The following UEVLD variants were observed in gnomAD, a reference collection of about 807,000 sequenced individuals.
The protein encoded by UEVLD is UEV and lactate/malate dehyrogenase domains.
UEVLD carries 47 observed loss-of-function variants against 58.6 expected under a neutral mutation model. The observed-to-expected ratio is 0.80, with a 90% CI of 0.63 to 1.02. The LOEUF is 1.02. Ranked by LOEUF, UEVLD falls within the 50% of genes least tolerant of loss-of-function variation. UEVLD has a pLI of 0.00. For synonymous variants in UEVLD, 197 were observed against 195.3 expected (o/e 1.01, Z -0.07); for missense variants, 510 against 550.6 (o/e 0.93, Z 0.74).
chr11:18,581,448 C>T (rs1433206068), intron 1 of UEVLD, among the ~76,000 whole-genome samples: 2 of 152,038 alleles, frequency 1.3e-5, no homozygotes, highest in African/African-American at 2.4e-5. Context: ...CATTGGGAGG[C>T]CAAGGCAGGC....
At chr11:18,551,043 G>A (rs1449543061) in intron 7 of UEVLD, among the ~76,000 whole-genome samples, 1 of 152,130 alleles carries the variant, frequency 6.6e-6, no homozygotes, top group Non-Finnish European at 1.5e-5. Context: ...CTTACAAGTT[G>A]ATGATTTAAC....
At position 18,564,941 on chromosome 11, in the gene UEVLD, A is replaced by G. The variant is rs571127680; in HGVS notation, c.563T>C (p.Val188Ala). 22 of 1,613,884 alleles carry G rather than the reference A, an allele frequency of 1.4e-5. No individual in the cohort carries two copies. Among genetic ancestry groups the G allele is most frequent in the Middle Eastern group, 3.3e-4 (2 of 6,060 alleles). ...ENKTVNKITVVGGGELGIACT... is the reference protein window; with the variant it reads ...ENKTVNKITVAGGGELGIACT... ...GGCAATACCGAGTTCTCCACCTCCA[A>G]CCACAGTAATTTTATTGACTGTTTT... Residue 188 changes from valine to alanine, a missense_variant, in exon 6 of 12, where the codon GTT becomes GCT. Transcript: ENST00000396197.
chr11:18,536,692 G>A (rs1217813979), intron 9 of UEVLD: 5 of 474,022 alleles, frequency 1.1e-5, no homozygotes, highest in South Asian at 9.0e-5. Context: ...CCCAAAGTCT[G>A]CTTGCAGTCT....
intron 7 of UEVLD, among the ~76,000 whole-genome samples, chr11:18,551,523 A>G (rs886955538): frequency 1.3e-5 from 2 of 152,124 alleles, no homozygotes; most frequent in African/African-American, 4.8e-5. Context: ...GTAATGTGTT[A>G]GGCCCTAAGA....
intron 10 of UEVLD, 101 bp from the exon 11 acceptor site, chr11:18,534,554 C>T: frequency 2.4e-6 from 3 of 1,259,816 alleles, no homozygotes; most frequent in Non-Finnish European, 3.2e-6. Flanking sequence ...ATGACAGAAA[C>T]AAGAGTTATG....
At chr11:18,558,054 A>G (rs1489996671) in intron 7 of UEVLD, among the ~76,000 whole-genome samples, 174 bp downstream of exon 7, 1 of 152,222 alleles carries the variant, frequency 6.6e-6, no homozygotes, top group Non-Finnish European at 1.5e-5. Flanking sequence ...ATCAGTTAAA[A>G]TCCCTGAATG....
intron 7 of UEVLD, among the ~76,000 whole-genome samples, chr11:18,550,591 C>A (rs1261291714): frequency 6.6e-6 from 1 of 152,184 alleles, no homozygotes; most frequent in Admixed American, 6.5e-5. Context: ...GAAGAACCAG[C>A]AACTATCTCA....
At chr11:18,552,126 A>G (rs1851554911) in intron 7 of UEVLD, among the ~76,000 whole-genome samples, 1 of 152,220 alleles carries the variant, frequency 6.6e-6, no homozygotes, top group Non-Finnish European at 1.5e-5. Context: ...ACGGTACTAA[A>G]AATTATTGAA....
At chr11:18,577,907 A>G (rs938449410) in intron 2 of UEVLD, among the ~76,000 whole-genome samples, 1 of 151,934 alleles carries the variant, frequency 6.6e-6, no homozygotes, top group Non-Finnish European at 1.5e-5. Flanking sequence ...TTAAGATAAT[A>G]AAGTAAAATA....
chr11:18,544,209 C>T (rs1276670446), intron 9 of UEVLD, among the ~76,000 whole-genome samples: 2 of 152,166 alleles, frequency 1.3e-5, no homozygotes, highest in African/African-American at 4.8e-5. Flanking sequence ...ACAGAAGGCA[C>T]ACTCAAATGT....
At chr11:18,582,297 ATTAG>A (rs531921358) in intron 1 of UEVLD, among the ~76,000 whole-genome samples, 7 of 151,846 alleles carry the variant, frequency 4.6e-5, no homozygotes, top group Non-Finnish European at 1.0e-4. Flanking sequence ...AAATGTTACT[ATTAG>A]TTAAATATTT....
At chr11:18,536,666 T>C (rs777974945) in intron 9 of UEVLD, 197 bp from the exon 10 acceptor site, 3 of 515,532 alleles carry the variant, frequency 5.8e-6, no homozygotes, top group Non-Finnish European at 7.0e-6. Flanking sequence ...AACTCTGAAC[T>C]ACAAAAAACA....
rs10500835 is a variant in UEVLD at position 18,578,775 on chromosome 11, T to G, written c.76A>C (p.Arg26=). ...KFRDLTVEEL[R]NVNVFFPHFK... Reference sequence around the variant, plus strand: ...TGTGGGAAAAATACATTTACATTCCTTAGTTCTTCCACAGTTAGGTCCCTG... The same window carrying G: ...TGTGGGAAAAATACATTTACATTCCGTAGTTCTTCCACAGTTAGGTCCCTG... The change falls in exon 2 of 12, where the codon AGG becomes CGG. Residue 26 remains arginine (R), a synonymous_variant. Coordinates refer to ENST00000396197, the MANE Select transcript of UEVLD (RefSeq NM_001040697.4). 0.13 allele frequency: 211,353 copies of G among 1,605,402 alleles called. 15,935 individuals are homozygous for G. Among genetic ancestry groups the G allele is most frequent in the East Asian group, 0.27 (12,089 of 44,716 alleles).
chr11:18,547,148 CT>C, intron 7 of UEVLD, 98 bp from the exon 8 acceptor site: 1 of 1,250,884 alleles, frequency 8.0e-7, no homozygotes, highest in Non-Finnish European at 1.1e-6. Flanking sequence ...AATAAGAGAG[CT>C]TTTAGGCACG....
intron 9 of UEVLD, among the ~76,000 whole-genome samples, chr11:18,542,593 TA>T (rs1394312892): frequency 2.0e-5 from 3 of 152,174 alleles, no homozygotes; most frequent in Non-Finnish European, 2.9e-5. Context: ...TGTTATATTT[TA>T]TTAAAATGCT....
rs963957083 is a variant in UEVLD, at chr11:18,585,630, TTTATTA to T, written c.42+2977_42+2982del. ...AAATCTATCATCTATTCTTTCCTTC[TTTATTA>T]TTATTATTTTTTTTTTTTTGAGACA... is the stretch of plus-strand genomic sequence containing the variant. On this transcript the variant is annotated intron_variant, in intron 1 of 11. Coordinates refer to ENST00000396197, the MANE Select transcript of UEVLD (RefSeq NM_001040697.4). Among the ~76,000 whole-genome samples, 49 of 146,902 alleles carry T rather than the reference TTTATTA, an allele frequency of 3.3e-4. 1 individual carries two copies. Among genetic ancestry groups the T allele is most frequent in the South Asian group, 3.2e-3 (14 of 4,366 alleles).
chr11:18,566,241 G>A (rs538361930), intron 5 of UEVLD, 106 bp downstream of exon 5: 5 of 1,480,526 alleles, frequency 3.4e-6, no homozygotes, highest in South Asian at 1.2e-5. Context: ...ATGTACATAC[G>A]CACACAAATT....
intron 7 of UEVLD, among the ~76,000 whole-genome samples, chr11:18,548,038 C>G (rs1365624037): frequency 6.6e-6 from 1 of 152,104 alleles, no homozygotes; most frequent in Non-Finnish European, 1.5e-5. Flanking sequence ...TTTACCACAC[C>G]TGCCTCTTGG....
chr11:18,583,723 G>A (rs913921085), intron 1 of UEVLD, among the ~76,000 whole-genome samples: 9 of 143,256 alleles, frequency 6.3e-5, no homozygotes, highest in East Asian at 2.1e-4. Flanking sequence ...ATGCAATGGC[G>A]CAATCCCGGC....
Sources: gnomAD v4.1 joint callset for allele counts (sites outside exome capture counted in the v4.1 genomes callset) on GRCh38, gnomAD v4.1.1 for gene constraint, MANE v1.5 for transcripts, NCBI Gene and HGNC (gene_info 2026-07-23, HGNC 2026-07-21) for gene names.